BABAM2: variants seen among roughly 807,000 people sequenced by gnomAD.
The protein encoded by BABAM2 is BRISC and BRCA1-A complex member 2.
Under a neutral mutation model 54.7 loss-of-function variants are expected in BABAM2, and 31 were observed. The ratio of observed to expected loss-of-function variants is 0.57; its 90% CI spans 0.43 to 0.77. The LOEUF is 0.77. Among genes scored for constraint, BABAM2 ranks in the 30% least tolerant of loss-of-function variants. The pLI, the probability that BABAM2 is intolerant of heterozygous loss-of-function variation, is 0.00. For synonymous variants in BABAM2, 167 were observed against 162.9 expected (o/e 1.03, Z -0.19); for missense variants, 364 against 455.8 (o/e 0.80, Z 1.83).
chr2:28,049,765 C>T (rs1398731605), intron 6 of BABAM2, among the ~76,000 whole-genome samples: 1 of 152,224 alleles, frequency 6.6e-6, no homozygotes, highest in Admixed American at 6.5e-5. Flanking sequence ...TTCAGGGTGT[C>T]TAGACTTGTT....
At chr2:27,909,467 T>C (rs1666423499) in intron 2 of BABAM2, among the ~76,000 whole-genome samples, 1 of 152,316 alleles carries the variant, frequency 6.6e-6, no homozygotes, top group Non-Finnish European at 1.5e-5. Context: ...CAGTTCCGTC[T>C]CAGATAGATG....
intron 10 of BABAM2, among the ~76,000 whole-genome samples, chr2:28,265,758 C>G (rs1252906833): frequency 6.6e-6 from 1 of 152,146 alleles, no homozygotes; most frequent in African/African-American, 2.4e-5. Context: ...ACCCCACATA[C>G]AAAACATAGG....
chr2:28,036,257 TCCTACATTTCAAGTA>T (rs779677173), intron 5 of BABAM2, among the ~76,000 whole-genome samples: 27 of 152,158 alleles, frequency 1.8e-4, no homozygotes, highest in Non-Finnish European at 3.8e-4. Context: ...ACAAAAAGAA[TCCTACATTTCAAGTA>T]TTCTGTACGA....
chr2:28,003,255 G>A (rs1201782505), intron 4 of BABAM2, among the ~76,000 whole-genome samples: 6 of 152,170 alleles, frequency 3.9e-5, no homozygotes, highest in Non-Finnish European at 8.8e-5. Context: ...TTCTCTTCTT[G>A]TATTGCTGTG....
chr2:28,208,529 A>C, intron 7 of BABAM2, among the ~76,000 whole-genome samples: 1 of 152,102 alleles, frequency 6.6e-6, no homozygotes. Flanking sequence ...GCCTCTAGGC[A>C]AATTCTTCCT....
intron 3 of BABAM2, among the ~76,000 whole-genome samples, chr2:27,945,440 G>A (rs932298042): frequency 2.6e-5 from 4 of 152,094 alleles, no homozygotes; most frequent in Non-Finnish European, 5.9e-5. Flanking sequence ...AATACAACAC[G>A]ATCCTGACTA....
intron 10 of BABAM2, among the ~76,000 whole-genome samples, chr2:28,250,595 G>GTTTTTTT (rs1553350055): frequency 9.3e-5 from 13 of 139,182 alleles, no homozygotes; most frequent in South Asian, 2.2e-4. Context: ...TTTTTTTTTT[G>GTTTTTTT]TTTGTTTGTT....
rs183554408 is a variant in BABAM2 at position 28,017,995 on chromosome 2, T to A, written c.301-7231T>A. ...TGTGTACAGGTTTTTAAAAATTTTTTAATTTTTGTATTTCAGTAGGTTTTG... is the reference window on the plus strand; with the variant it reads ...TGTGTACAGGTTTTTAAAAATTTTTAAATTTTTGTATTTCAGTAGGTTTTG... On this transcript the variant is annotated intron_variant, in intron 4 of 11. Coordinates refer to ENST00000379624, the MANE Select transcript of BABAM2 (RefSeq NM_199191.3). 3.0e-3 allele frequency among the ~76,000 whole-genome samples: 454 copies of A among 152,360 alleles called. 2 individuals carry two copies. Among genetic ancestry groups the A allele is most frequent in the African/African-American group, 0.01 (433 of 41,590 alleles).
chr2:28,004,714 A>AT (rs1673832148), intron 4 of BABAM2, among the ~76,000 whole-genome samples: 1 of 149,172 alleles, frequency 6.7e-6, no homozygotes, highest in Admixed American at 6.7e-5. Context: ...TGGTTAAGAT[A>AT]TGGGGTCTCT....
intron 7 of BABAM2, among the ~76,000 whole-genome samples, chr2:28,196,954 C>G (rs1259439029): frequency 7.0e-6 from 1 of 143,800 alleles, no homozygotes; most frequent in Non-Finnish European, 1.5e-5. Flanking sequence ...AAGGGATCCT[C>G]CCACCTTGGC....
intron 6 of BABAM2, among the ~76,000 whole-genome samples, chr2:28,060,643 G>A (rs1678782313): frequency 2.0e-5 from 3 of 152,108 alleles, no homozygotes; most frequent in Admixed American, 2.0e-4. Flanking sequence ...TTGTAATGTT[G>A]CAGGATACAA....
At chr2:27,890,493 C>G (rs1664725146), upstream of BABAM2, 1 of 671,230 alleles carries the variant, frequency 1.5e-6, no homozygotes, top group South Asian at 1.8e-5. This position sits in a 1 kb window ranked among gnomAD's most constrained non-coding sequence, Gnocchi z 4.8. Flanking sequence ...GAAATCACCC[C>G]GCCCACCAAG....
chr2:28,160,131 A>C (rs1672925240), intron 7 of BABAM2, among the ~76,000 whole-genome samples: 1 of 152,048 alleles, frequency 6.6e-6, no homozygotes, highest in African/African-American at 2.4e-5. Context: ...ACAGGTATGC[A>C]CCACCATGCC....
chr2:28,040,361 C>T lies in BABAM2; in HGVS notation c.496-5364C>T, dbSNP rs1301887123. Reference sequence around the variant, plus strand: ...TGTCGCCCAGGCTGGAGTGCAGTGGCGGGATCTCGGCTCACTGCAAGCTCC... The same window carrying T: ...TGTCGCCCAGGCTGGAGTGCAGTGGTGGGATCTCGGCTCACTGCAAGCTCC... On this transcript the variant is annotated intron_variant, in intron 5 of 11. Transcript: ENST00000379624. Among the ~76,000 whole-genome samples the T allele has an allele frequency of 5.9e-5, 7 of 118,468 alleles. No individual in the cohort carries two copies. In the South Asian group the frequency reaches 1.2e-3, roughly 21 times the overall value. The allele number at this position is 118,468 out of a possible 152,430, so 77.7% of individuals were successfully genotyped here.
chr2:27,971,723 A>G (rs1175190540), intron 3 of BABAM2, among the ~76,000 whole-genome samples: 4 of 151,876 alleles, frequency 2.6e-5, no homozygotes, highest in Admixed American at 2.6e-4. Context: ...TTACTATTTC[A>G]TGACAAGGAT....
chr2:28,229,524 A>G (rs1681182195), intron 7 of BABAM2, among the ~76,000 whole-genome samples: 2 of 151,602 alleles, frequency 1.3e-5, no homozygotes, highest in African/African-American at 2.4e-5. Context: ...CTTCTCATTT[A>G]TACTGTGCCT....
At chr2:28,043,351 G>A (rs937987900) in intron 5 of BABAM2, among the ~76,000 whole-genome samples, 12 of 152,028 alleles carry the variant, frequency 7.9e-5, no homozygotes, top group African/African-American at 2.4e-4. Context: ...GGCTGGTCTC[G>A]AACTCCTGAC....
chr2:28,019,872 T>TA (rs1441210098), intron 4 of BABAM2, among the ~76,000 whole-genome samples: 1 of 152,252 alleles, frequency 6.6e-6, no homozygotes, highest in East Asian at 1.9e-4. Flanking sequence ...TTTATACCAG[T>TA]AACGTGCTGT....
intron 2 of BABAM2, among the ~76,000 whole-genome samples, chr2:27,924,471 GTAT>G (rs1667540164): frequency 3.3e-5 from 5 of 152,102 alleles, no homozygotes; most frequent in African/African-American, 1.2e-4. Context: ...TGCAACCTCT[GTAT>G]CTTGGGCTCA....
Sources: gnomAD v4.1 joint callset for allele counts (sites outside exome capture counted in the v4.1 genomes callset) on GRCh38, gnomAD v4.1.1 for gene constraint, Gnocchi (gnomAD v3.1) non-coding constraint, MANE v1.5 for transcripts, NCBI Gene and HGNC (gene_info 2026-07-23, HGNC 2026-07-21) for gene names.